The following KLHL1 variants were observed in gnomAD, a reference collection of about 807,000 sequenced individuals.
KLHL1 encodes the protein kelch like family member 1, also known as kelch-like protein 1.
Under a neutral mutation model 77.7 loss-of-function variants are expected in KLHL1, and 47 were observed. That is an observed-to-expected ratio of 0.60 (90% CI 0.48 to 0.77). The LOEUF (loss-of-function observed/expected upper bound fraction) is 0.77. KLHL1 is among the 30% of genes least tolerant of loss of function. The probability of loss-of-function intolerance (pLI) is 0.00; values close to 1 mark genes in which losing one functional copy is unlikely to be tolerated. For missense variants in KLHL1, 925 were observed against 910.8 expected (o/e 1.02, Z -0.20); for synonymous variants, 360 against 325.2 (o/e 1.11, Z -1.15).
rs146601723 is a variant in KLHL1 at position 69,810,400 on chromosome 13, C to T, written c.1415-13438G>A. Among the ~76,000 whole-genome samples the T allele has an allele frequency of 5.9e-3, 901 of 151,980 alleles. 14 individuals carry two copies. Among genetic ancestry groups the T allele is most frequent in the African/African-American group, 0.02 (828 of 41,500 alleles). ...ACACTGGGAAAGTTCTCAAACCATA[C>T]GAATACATGTATATTAAACAACTTG... On this transcript the variant is annotated intron_variant, in intron 6 of 10. Transcript: ENST00000377844.
chr13:70,005,665 A>G (rs1885389626), intron 1 of KLHL1, among the ~76,000 whole-genome samples: 1 of 151,952 alleles, frequency 6.6e-6, no homozygotes, highest in African/African-American at 2.4e-5. Flanking sequence ...ATTAGAAACA[A>G]ATGTATTGCT....
At chr13:69,750,196 CAG>C (rs1433211966) in intron 7 of KLHL1, among the ~76,000 whole-genome samples, 2 of 151,338 alleles carry the variant, frequency 1.3e-5, no homozygotes, top group Admixed American at 6.6e-5. Context: ...TATGACCTTC[CAG>C]GTATAACTTA....
At chr13:69,950,678 G>C (rs953055128) in intron 3 of KLHL1, among the ~76,000 whole-genome samples, 1 of 151,482 alleles carries the variant, frequency 6.6e-6, no homozygotes, top group Non-Finnish European at 1.5e-5. Context: ...TGTTCTTTTG[G>C]TCATTATTTT....
intron 10 of KLHL1, among the ~76,000 whole-genome samples, chr13:69,703,049 C>T (rs1875469941): frequency 6.6e-6 from 1 of 151,588 alleles, no homozygotes; most frequent in African/African-American, 2.4e-5. Flanking sequence ...CTTTTATTAT[C>T]TGATGATTTT....
intron 1 of KLHL1, among the ~76,000 whole-genome samples, chr13:69,976,177 T>C (rs9572324): frequency 0.27 from 40,592 of 151,820 alleles, 6,628 homozygotes; most frequent in South Asian, 0.35. Flanking sequence ...TTGAGGAAGA[T>C]AGCTTAATTA....
At chr13:69,975,856 A>C in intron 1 of KLHL1, 54 bp from the exon 2 acceptor site, 1 of 1,480,038 alleles carries the variant, frequency 6.8e-7, no homozygotes, top group Non-Finnish European at 8.9e-7. Context: ...GGATTTATAA[A>C]GAGCCAATTA....
At chr13:70,017,020 G>C (rs1885675971) in intron 1 of KLHL1, among the ~76,000 whole-genome samples, 1 of 152,170 alleles carries the variant, frequency 6.6e-6, no homozygotes, top group Non-Finnish European at 1.5e-5. Flanking sequence ...TGGACAACCT[G>C]CATGCAGAAA....
chr13:69,918,746 T>C (rs1882528852), intron 4 of KLHL1, among the ~76,000 whole-genome samples: 1 of 152,190 alleles, frequency 6.6e-6, no homozygotes, highest in Admixed American at 6.5e-5. Context: ...TTCAAATCCT[T>C]GTTCTTCCTA....
In KLHL1 at chr13:70,067,010, C is replaced by T. The variant is rs149142516; in HGVS notation, c.497+40193G>A. Among the ~76,000 whole-genome samples, 260 of 152,278 alleles carry T rather than the reference C, an allele frequency of 1.7e-3. 1 individual carries two copies. Among genetic ancestry groups the T allele is most frequent in the African/African-American group, 5.8e-3 (241 of 41,552 alleles). ...TAAAATTTATCAAGCACTTTGTAAG[C>T]TCTAGGCACTCACTAGGCTCTTGGG... On this transcript the variant is annotated intron_variant, in intron 1 of 10. Coordinates refer to ENST00000377844, the MANE Select transcript of KLHL1 (RefSeq NM_020866.3).
chr13:69,757,109 G>A (rs956068892), intron 7 of KLHL1, among the ~76,000 whole-genome samples: 1 of 152,048 alleles, frequency 6.6e-6, no homozygotes, highest in Non-Finnish European at 1.5e-5. Flanking sequence ...CAGTCCAAGC[G>A]ATATGATCCT....
intron 4 of KLHL1, among the ~76,000 whole-genome samples, chr13:69,923,820 G>A (rs1483089053): frequency 1.3e-5 from 2 of 152,140 alleles, no homozygotes; most frequent in Non-Finnish European, 2.9e-5. Context: ...AGTTGGCAGG[G>A]CAGGAGTTTG....
chr13:69,850,402 G>A (rs1346376951), intron 5 of KLHL1, among the ~76,000 whole-genome samples: 1 of 151,194 alleles, frequency 6.6e-6, no homozygotes, highest in Non-Finnish European at 1.5e-5. Flanking sequence ...ATTCCACTTA[G>A]CAAAGTTCTT....
chr13:69,990,791 A>T (rs928740452), intron 1 of KLHL1, among the ~76,000 whole-genome samples: 2 of 151,958 alleles, frequency 1.3e-5, no homozygotes, highest in African/African-American at 4.8e-5. Flanking sequence ...TGAACTCAAC[A>T]CTTGACCAAA....
At chr13:69,743,201 T>G (rs1251437898) in intron 7 of KLHL1, among the ~76,000 whole-genome samples, 6 of 152,122 alleles carry the variant, frequency 3.9e-5, no homozygotes, top group Admixed American at 1.3e-4. Flanking sequence ...ATTTGAAGTT[T>G]GTTATAAGAG....
At chr13:70,069,563 G>C (rs1282742220) in intron 1 of KLHL1, among the ~76,000 whole-genome samples, 2 of 152,030 alleles carry the variant, frequency 1.3e-5, no homozygotes, top group Non-Finnish European at 2.9e-5. Flanking sequence ...GAATTTAAAA[G>C]GATTAAATGG....
chr13:69,758,709 G>A (rs528099033), intron 7 of KLHL1, among the ~76,000 whole-genome samples: 18 of 151,978 alleles, frequency 1.2e-4, no homozygotes, highest in Non-Finnish European at 2.4e-4. Flanking sequence ...GAACCATCTC[G>A]TAATTTTTTA....
intron 5 of KLHL1, among the ~76,000 whole-genome samples, chr13:69,859,604 T>G (rs111254002): frequency 6.6e-6 from 1 of 152,080 alleles, no homozygotes; most frequent in Non-Finnish European, 1.5e-5. Context: ...CAGGTTGCAA[T>G]GTGAATGAAT....
At chr13:69,904,633 C>T (rs890374675) in intron 4 of KLHL1, among the ~76,000 whole-genome samples, 2 of 152,118 alleles carry the variant, frequency 1.3e-5, no homozygotes, top group East Asian at 3.9e-4. Context: ...TCTATGTGGC[C>T]ATTCATGATT....
At chr13:70,101,208 G>A (rs1381670730) in intron 1 of KLHL1, among the ~76,000 whole-genome samples, 1 of 151,858 alleles carries the variant, frequency 6.6e-6, no homozygotes, top group Non-Finnish European at 1.5e-5. Context: ...CCATAGAAAG[G>A]CTAATCATAC....
Sources: gnomAD v4.1 joint callset for allele counts (sites outside exome capture counted in the v4.1 genomes callset) on GRCh38, gnomAD v4.1.1 for gene constraint, MANE v1.5 for transcripts, NCBI Gene and HGNC (gene_info 2026-07-23, HGNC 2026-07-21) for gene names.